The following DPYD variants were observed in gnomAD, a reference collection of about 807,000 sequenced individuals.
DPYD encodes the protein dihydropyrimidine dehydrogenase [NADP(+)].
Under a neutral mutation model 116.2 loss-of-function variants are expected in DPYD, and 109 were observed. That is an observed-to-expected ratio of 0.94 (90% CI 0.80 to 1.10). The LOEUF is 1.10. Among genes scored for constraint, DPYD ranks in the 50% least tolerant of loss-of-function variants. The probability of loss-of-function intolerance (pLI) is 0.00; values close to 1 mark genes in which losing one functional copy is unlikely to be tolerated. For missense variants in DPYD, 1,302 were observed against 1,254.5 expected, an observed-to-expected ratio of 1.04 and a Z score of -0.57; for synonymous variants, 440 against 432.0, an observed-to-expected ratio of 1.02 and a Z score of -0.23.
At chr1:97,288,880 A>T (rs914513833) in intron 18 of DPYD, among the ~76,000 whole-genome samples, 2 of 152,130 alleles carry the variant, frequency 1.3e-5, no homozygotes, top group African/African-American at 4.8e-5. Context: ...ACCCTTCAAA[A>T]AATTAATGAA....
chr1:97,310,934 T>C (rs1667474938), intron 16 of DPYD, among the ~76,000 whole-genome samples: 2 of 151,670 alleles, frequency 1.3e-5, no homozygotes, highest in Non-Finnish European at 2.9e-5. Context: ...AAGAAACTAA[T>C]GAATCATGCC....
intron 8 of DPYD, among the ~76,000 whole-genome samples, chr1:97,634,078 A>T (rs1657425872): frequency 6.6e-6 from 1 of 152,132 alleles, no homozygotes. Context: ...CCAAAGTAGA[A>T]TATTTTGCAG....
chr1:97,247,644 A>G (rs1319500221), intron 18 of DPYD, among the ~76,000 whole-genome samples: 3 of 152,238 alleles, frequency 2.0e-5, no homozygotes, highest in Non-Finnish European at 4.4e-5. Context: ...CAGCACAGTG[A>G]CAAGCACATA....
chr1:97,257,452 T>TATAGAGAG (rs375490078), intron 18 of DPYD, among the ~76,000 whole-genome samples: 139 of 126,470 alleles, frequency 1.1e-3, no homozygotes, highest in African/African-American at 3.2e-3. Flanking sequence ...TATATATATA[T>TATAGAGAG]AGAGAGAGAG....
At chr1:97,910,752 A>G (rs1472551414) in intron 1 of DPYD, among the ~76,000 whole-genome samples, 1 of 152,098 alleles carries the variant, frequency 6.6e-6, no homozygotes, top group African/African-American at 2.4e-5. Flanking sequence ...TATAAAGGAC[A>G]GAGGTTATCA....
chr1:97,567,031 CACTT>C (rs1233596087), intron 11 of DPYD, among the ~76,000 whole-genome samples: 2 of 152,080 alleles, frequency 1.3e-5, no homozygotes, highest in Non-Finnish European at 2.9e-5. Context: ...CTCTTCCCAA[CACTT>C]AAACAATTGA....
At chr1:97,883,472 T>A in intron 1 of DPYD, 98 bp from the exon 2 acceptor site, 2 of 932,046 alleles carry the variant, frequency 2.1e-6, no homozygotes, top group Non-Finnish European at 3.3e-6. Flanking sequence ...AGACACGGTC[T>A]CTCTCACTTT....
intron 8 of DPYD, among the ~76,000 whole-genome samples, chr1:97,666,481 T>TTG (rs1203282001): frequency 1.3e-5 from 2 of 152,136 alleles, no homozygotes; most frequent in South Asian, 2.1e-4. Flanking sequence ...TAATTCTTGG[T>TTG]TGTGTGTGTG....
At chr1:97,262,089 G>C (rs773205279) in intron 18 of DPYD, among the ~76,000 whole-genome samples, 2 of 151,534 alleles carry the variant, frequency 1.3e-5, no homozygotes, top group African/African-American at 4.8e-5. Flanking sequence ...CTTTCTTTTT[G>C]TTCTCTCTAG....
intron 3 of DPYD, among the ~76,000 whole-genome samples, chr1:97,746,003 G>C (rs986877660): frequency 1.3e-5 from 2 of 151,530 alleles, no homozygotes; most frequent in African/African-American, 2.4e-5. Context: ...TTTTAGTTTA[G>C]GAAAAAAAAA....
At chr1:97,420,110 G>A (rs1674502508) in intron 14 of DPYD, 1 of 152,352 alleles carries the variant, frequency 6.6e-6, no homozygotes. Flanking sequence ...GGCAAAAAGG[G>A]CCACCAGACA....
intron 8 of DPYD, among the ~76,000 whole-genome samples, chr1:97,647,692 T>A (rs1363245379): frequency 6.6e-6 from 1 of 152,028 alleles, no homozygotes; most frequent in Non-Finnish European, 1.5e-5. Flanking sequence ...CCATATTATA[T>A]CTGCATAGTA....
intron 16 of DPYD, among the ~76,000 whole-genome samples, chr1:97,345,699 G>A (rs1669805335): frequency 6.6e-6 from 1 of 151,896 alleles, no homozygotes; most frequent in Non-Finnish European, 1.5e-5. Flanking sequence ...ACAACTCCAT[G>A]AGATGAATGC....
chr1:97,178,637 G>C (rs977714435), intron 20 of DPYD, among the ~76,000 whole-genome samples: 2 of 152,076 alleles, frequency 1.3e-5, no homozygotes, highest in Non-Finnish European at 2.9e-5. Flanking sequence ...TGAGATTTGG[G>C]TGGGGGCACA....
chr1:97,211,723 C>T (rs1414738087), intron 19 of DPYD, among the ~76,000 whole-genome samples: 3 of 152,116 alleles, frequency 2.0e-5, no homozygotes, highest in South Asian at 4.1e-4. Context: ...ATGGAACACA[C>T]TTGAGAAATA....
At chr1:97,870,193 T>A (rs572435739) in intron 2 of DPYD, among the ~76,000 whole-genome samples, 26 of 151,978 alleles carry the variant, frequency 1.7e-4, no homozygotes, top group Admixed American at 7.2e-4. Context: ...TAAATAGATA[T>A]TAGAAATTTG....
chr1:97,369,388 T>C (rs1182104395), intron 16 of DPYD, among the ~76,000 whole-genome samples: 1 of 152,166 alleles, frequency 6.6e-6, no homozygotes, highest in Non-Finnish European at 1.5e-5. Flanking sequence ...CTTTAGAGCC[T>C]ATGTAATCCT....
chr1:97,651,775 A>G (rs1658597158), intron 8 of DPYD, among the ~76,000 whole-genome samples: 1 of 152,214 alleles, frequency 6.6e-6, no homozygotes, highest in African/African-American at 2.4e-5. Context: ...CAGTCATAAT[A>G]GGCATTTAAA....
chr1:97,137,037 T>C (rs1167485197), intron 20 of DPYD, among the ~76,000 whole-genome samples: 1 of 152,210 alleles, frequency 6.6e-6, no homozygotes, highest in Non-Finnish European at 1.5e-5. Context: ...ATTTTTCCAG[T>C]GGAGCCTAAG....
Sources: gnomAD v4.1 joint callset for allele counts (sites outside exome capture counted in the v4.1 genomes callset) on GRCh38, gnomAD v4.1.1 for gene constraint, MANE v1.5 for transcripts, NCBI Gene and HGNC (gene_info 2026-07-23, HGNC 2026-07-21) for gene names.